Variants in RTN1 observed in about 807,000 individuals in gnomAD.
The protein encoded by RTN1 is reticulon-1.
RTN1 carries 25 observed loss-of-function variants against 65.5 expected under a neutral mutation model. That is an observed-to-expected ratio of 0.38 (90% CI 0.28 to 0.53). The LOEUF (loss-of-function observed/expected upper bound fraction) is 0.53, where lower values mean the gene tolerates loss of function less well. RTN1 is among the 20% of genes least tolerant of loss of function. The pLI is 0.79. For missense variants in RTN1, 983 were observed against 1,025.4 expected (o/e 0.96, Z 0.57); for synonymous variants, 471 against 447.6 (o/e 1.05, Z -0.66).
chr14:59,715,686 C>T (rs562583064), intron 3 of RTN1, among the ~76,000 whole-genome samples: 26 of 152,142 alleles, frequency 1.7e-4, no homozygotes, highest in African/African-American at 6.3e-4. Context: ...ATTAGCCAGG[C>T]ATGGTGGTGG....
rs1012238525 is a variant in RTN1 at position 59,679,716 on chromosome 14, G to T, written c.1765+47203C>A. 2.6e-5 allele frequency among the ~76,000 whole-genome samples: 4 copies of T among 152,156 alleles called. No individual in the cohort carries two copies. In the South Asian group the frequency reaches 8.3e-4, roughly 32 times the overall value. On this transcript the variant is annotated intron_variant, in intron 3 of 8. Transcript: ENST00000267484. ...GTCTGGGGATGACTTCTGGATTTAAGTTATTCACACTCAACCTATCACTTA... is the reference window on the plus strand; with the variant it reads ...GTCTGGGGATGACTTCTGGATTTAATTTATTCACACTCAACCTATCACTTA...
chr14:59,843,809 T>C (rs1887357524), intron 1 of RTN1, among the ~76,000 whole-genome samples: 1 of 152,112 alleles, frequency 6.6e-6, no homozygotes, highest in African/African-American at 2.4e-5. Flanking sequence ...GCCATTGGAG[T>C]TTTGTCACTA....
chr14:59,731,962 G>A (rs567451822), intron 2 of RTN1, among the ~76,000 whole-genome samples: 5 of 152,172 alleles, frequency 3.3e-5, no homozygotes, highest in East Asian at 3.9e-4. Flanking sequence ...ATTCCCTGCC[G>A]CTCCTAGAGA....
At chr14:59,638,366 A>T (rs1882709432) in intron 3 of RTN1, among the ~76,000 whole-genome samples, 1 of 152,234 alleles carries the variant, frequency 6.6e-6, no homozygotes, top group Admixed American at 6.5e-5. Context: ...CAGTTATCTT[A>T]AAATATTCAG....
chr14:59,613,593 C>A (rs10148644), intron 3 of RTN1, among the ~76,000 whole-genome samples: 1 of 151,964 alleles, frequency 6.6e-6, no homozygotes, highest in Non-Finnish European at 1.5e-5. Flanking sequence ...CCACCGCGCC[C>A]GGCCTATAGA....
At chr14:59,802,201 C>A (rs1378672343) in intron 1 of RTN1, among the ~76,000 whole-genome samples, 1 of 152,130 alleles carries the variant, frequency 6.6e-6, no homozygotes, top group African/African-American at 2.4e-5. Flanking sequence ...TAATTGAAAC[C>A]TAGATAAAAA....
chr14:59,744,141 T>C (rs527278614), intron 2 of RTN1, among the ~76,000 whole-genome samples: 25 of 152,194 alleles, frequency 1.6e-4, no homozygotes, highest in Admixed American at 3.9e-4. Context: ...TTAATTCTGT[T>C]CTATTCCAAC....
chr14:59,702,305 T>C (rs994097443), intron 3 of RTN1, among the ~76,000 whole-genome samples: 1 of 152,206 alleles, frequency 6.6e-6, no homozygotes, highest in African/African-American at 2.4e-5. Flanking sequence ...TCTTCAAAAC[T>C]TACTTATGAT....
intron 3 of RTN1, among the ~76,000 whole-genome samples, chr14:59,639,494 T>A (rs1882732119): frequency 6.6e-6 from 1 of 152,216 alleles, no homozygotes; most frequent in Non-Finnish European, 1.5e-5. Context: ...ATGGGTTTAT[T>A]TTTTCCGTTC....
chr14:59,630,827 G>A, intron 3 of RTN1: 1 of 1,012,826 alleles, frequency 9.9e-7, no homozygotes. Flanking sequence ...CCGCGAAGGC[G>A]CTGACGCGGA....
At chr14:59,748,913 C>A (rs1031794664) in intron 1 of RTN1, among the ~76,000 whole-genome samples, 2 of 151,632 alleles carry the variant, frequency 1.3e-5, no homozygotes, top group Admixed American at 6.6e-5. Context: ...CCTCAGCCTC[C>A]CGAATAGCTG....
chr14:59,749,854 T>G (rs1251679232), intron 1 of RTN1, among the ~76,000 whole-genome samples: 2 of 115,152 alleles, frequency 1.7e-5, no homozygotes, highest in African/African-American at 6.7e-5. Flanking sequence ...TATATATATA[T>G]CTATATGTAT....
intron 1 of RTN1, among the ~76,000 whole-genome samples, chr14:59,749,984 A>G (rs866514205): frequency 1.3e-3 from 111 of 85,670 alleles, no homozygotes; most frequent in African/African-American, 5.4e-3. Flanking sequence ...TATATTATAT[A>G]TTATATACAT....
chr14:59,620,072 C>A (rs1882213600), intron 3 of RTN1, among the ~76,000 whole-genome samples: 1 of 151,966 alleles, frequency 6.6e-6, no homozygotes, highest in African/African-American at 2.4e-5. Context: ...TTTTGGAAAA[C>A]AGACTTGATG....
At chr14:59,745,604 G>T (rs1885199742) in intron 2 of RTN1, 104 bp downstream of exon 2, 2 of 997,572 alleles carry the variant, frequency 2.0e-6, no homozygotes, top group Non-Finnish European at 3.0e-6. Context: ...GGTCCAGATA[G>T]TAAAGTATGT....
chr14:59,613,806 G>GA (rs34219803), intron 3 of RTN1, among the ~76,000 whole-genome samples: 38,935 of 147,316 alleles, frequency 0.26, 5,203 homozygotes, highest in South Asian at 0.37. Flanking sequence ...CCCTGTTTTG[G>GA]AAAAAAAAAA....
chr14:59,811,338 C>T (rs1028003477), intron 1 of RTN1, among the ~76,000 whole-genome samples: 6 of 152,324 alleles, frequency 3.9e-5, no homozygotes, highest in Non-Finnish European at 8.8e-5. Flanking sequence ...AATGAACTGA[C>T]ACTTCTAGTC....
At chr14:59,598,032 G>A (rs780503227) in intron 8 of RTN1, among the ~76,000 whole-genome samples, 1 of 152,030 alleles carries the variant, frequency 6.6e-6, no homozygotes, top group Non-Finnish European at 1.5e-5. Flanking sequence ...GGGGAGTGAC[G>A]TGATCTGATT....
At chr14:59,778,033 G>A (rs1389767354) in intron 1 of RTN1, among the ~76,000 whole-genome samples, 3 of 152,018 alleles carry the variant, frequency 2.0e-5, no homozygotes, top group African/African-American at 7.2e-5. Context: ...GTTTTCTAAT[G>A]AGCTTTTGCA....
Sources: allele counts gnomAD v4.1 joint callset (sites outside exome capture counted in the v4.1 genomes callset), GRCh38; gene constraint gnomAD v4.1.1; transcripts MANE v1.5; gene names NCBI Gene and HGNC (gene_info 2026-07-23, HGNC 2026-07-21).